PTPRG: variants seen among roughly 807,000 people sequenced by gnomAD.
PTPRG encodes receptor-type tyrosine-protein phosphatase gamma.
A neutral mutation model predicts 165.3 loss-of-function variants in PTPRG; 102 were observed. That is an observed-to-expected ratio of 0.62 (90% CI 0.53 to 0.73). The LOEUF is 0.73. PTPRG is among the 30% of genes least tolerant of loss of function. The pLI is 0.00. For missense variants in PTPRG, 1,866 were observed against 1,861.4 expected, an observed-to-expected ratio of 1.00 and a Z score of -0.05; for synonymous variants, 675 against 669.5, an observed-to-expected ratio of 1.01 and a Z score of -0.13.
chr3:61,924,267 G>C (rs2039152403), intron 2 of PTPRG, among the ~76,000 whole-genome samples: 1 of 152,176 alleles, frequency 6.6e-6, no homozygotes, highest in African/African-American at 2.4e-5. Context: ...GCACTTGCAG[G>C]TCACAGGGTC....
At position 62,244,475 on chromosome 3, in the gene PTPRG, A is replaced by G. The variant is rs561064336; in HGVS notation, c.2467+577A>G. 3.3e-5 allele frequency among the ~76,000 whole-genome samples: 5 copies of G among 152,074 alleles called. No individual in the cohort carries two copies. The East Asian group carries it at 9.7e-4, about 29-fold the overall frequency. On this transcript the variant is annotated intron_variant, in intron 15 of 29. Coordinates refer to ENST00000474889, the MANE Select transcript of PTPRG (RefSeq NM_002841.4). ...ATAGGATGTGGGATTTGAAGATCTC[A>G]CCCACCATTTTTATTTGGCATCCCT...
intron 2 of PTPRG, among the ~76,000 whole-genome samples, chr3:61,985,644 A>G (rs1265890370): frequency 6.6e-6 from 1 of 152,180 alleles, no homozygotes; most frequent in Admixed American, 6.6e-5. Context: ...AGCCCTGTCT[A>G]GGACTGAGCA....
At chr3:61,947,364 G>A (rs372732915) in intron 2 of PTPRG, among the ~76,000 whole-genome samples, 2 of 152,188 alleles carry the variant, frequency 1.3e-5, no homozygotes, top group African/African-American at 2.4e-5. Flanking sequence ...TACAAAATAC[G>A]TGACATAAGG....
At chr3:61,902,035 ATTGTCCTACCAGC>A (rs2038511933) in intron 2 of PTPRG, among the ~76,000 whole-genome samples, 1 of 152,154 alleles carries the variant, frequency 6.6e-6, no homozygotes, top group African/African-American at 2.4e-5. Flanking sequence ...AAGGTACTCT[ATTGTCCTACCAGC>A]TTGGTGTGGA....
At chr3:61,845,915 A>G (rs929916417) in intron 2 of PTPRG, among the ~76,000 whole-genome samples, 1 of 152,148 alleles carries the variant, frequency 6.6e-6, no homozygotes, top group African/African-American at 2.4e-5. Flanking sequence ...AATACCTGAT[A>G]GGTGCTTGGT....
intron 1 of PTPRG, among the ~76,000 whole-genome samples, chr3:61,662,204 C>T (rs1702686788): frequency 6.6e-6 from 1 of 152,172 alleles, no homozygotes. Flanking sequence ...TGACTATGAG[C>T]TAGACTTCAT....
At chr3:62,096,768 C>T in intron 5 of PTPRG, among the ~76,000 whole-genome samples, 1 of 152,200 alleles carries the variant, frequency 6.6e-6, no homozygotes, top group South Asian at 2.1e-4. Context: ...CTCAGAGTTT[C>T]AGGACAGATT....
At chr3:61,830,668 A>C (rs1188231) in intron 2 of PTPRG, among the ~76,000 whole-genome samples, 103 of 147,456 alleles carry the variant, frequency 7.0e-4, no homozygotes, top group African/African-American at 2.4e-3. Context: ...TCCACCTCTC[A>C]GGTTCAAGTG....
intron 2 of PTPRG, among the ~76,000 whole-genome samples, chr3:61,974,792 A>G (rs2040465129): frequency 6.6e-6 from 1 of 152,200 alleles, no homozygotes; most frequent in Admixed American, 6.5e-5. Flanking sequence ...CAAAGATCCC[A>G]GTACTGGTAG....
At chr3:61,710,588 T>G (rs549282220) in intron 1 of PTPRG, among the ~76,000 whole-genome samples, 1 of 152,150 alleles carries the variant, frequency 6.6e-6, no homozygotes, top group African/African-American at 2.4e-5. Context: ...TCGTAAACTT[T>G]CTTAAAACAT....
At chr3:62,246,706 T>TG (rs1187101253) in intron 15 of PTPRG, among the ~76,000 whole-genome samples, 8 of 152,150 alleles carry the variant, frequency 5.3e-5, no homozygotes, top group Non-Finnish European at 1.0e-4. Context: ...ATCTTAGAAA[T>TG]TATCCAATTG....
intron 1 of PTPRG, chr3:61,742,400 G>A (rs1020490668): frequency 4.1e-5 from 37 of 909,318 alleles, no homozygotes; most frequent in Non-Finnish European, 5.8e-5. Context: ...CTTTGGGTCT[G>A]GAATTTTTTT....
At chr3:62,048,293 G>A (rs1053829386) in intron 4 of PTPRG, among the ~76,000 whole-genome samples, 1 of 152,182 alleles carries the variant, frequency 6.6e-6, no homozygotes, top group African/African-American at 2.4e-5. Flanking sequence ...ACAGGTCCAG[G>A]TGGATAATGG....
At chr3:62,236,484 A>G (rs1701037232) in intron 14 of PTPRG, among the ~76,000 whole-genome samples, 1 of 152,220 alleles carries the variant, frequency 6.6e-6, no homozygotes, top group African/African-American at 2.4e-5. Flanking sequence ...TCTTGACAGC[A>G]TGAAAATAAA....
intron 2 of PTPRG, among the ~76,000 whole-genome samples, chr3:61,957,391 C>T (rs1302309733): frequency 6.6e-6 from 1 of 152,228 alleles, no homozygotes; most frequent in Non-Finnish European, 1.5e-5. Flanking sequence ...ATCAATATTT[C>T]TTTCTCACTT....
At chr3:61,860,573 T>C (rs1435628276) in intron 2 of PTPRG, among the ~76,000 whole-genome samples, 1 of 151,164 alleles carries the variant, frequency 6.6e-6, no homozygotes, top group Non-Finnish European at 1.5e-5. Context: ...CTGGAGTAGA[T>C]GGGATTACAG....
At chr3:61,890,545 C>T (rs1280724058) in intron 2 of PTPRG, among the ~76,000 whole-genome samples, 1 of 151,344 alleles carries the variant, frequency 6.6e-6, no homozygotes, top group South Asian at 2.1e-4. Flanking sequence ...ACAAACATTC[C>T]TTGAAGCAGC....
chr3:61,887,217 T>C (rs749478634), intron 2 of PTPRG, among the ~76,000 whole-genome samples: 1 of 142,560 alleles, frequency 7.0e-6, no homozygotes, highest in Non-Finnish European at 1.5e-5. Flanking sequence ...GTAAGACAAT[T>C]TCAGCCCTTG....
At chr3:61,652,643 C>T (rs1702387916) in intron 1 of PTPRG, among the ~76,000 whole-genome samples, 1 of 152,138 alleles carries the variant, frequency 6.6e-6, no homozygotes, top group South Asian at 2.1e-4. Flanking sequence ...TAAGATACAT[C>T]CTCAGGCTCT....
Sources: gnomAD v4.1 joint callset for allele counts (sites outside exome capture counted in the v4.1 genomes callset) on GRCh38, gnomAD v4.1.1 for gene constraint, MANE v1.5 for transcripts, NCBI Gene and HGNC (gene_info 2026-07-23, HGNC 2026-07-21) for gene names.